Variants in ASZ1 observed in about 807,000 individuals in gnomAD.
ASZ1 encodes the protein ankyrin repeat, SAM and basic leucine zipper domain-containing protein 1.
In ASZ1, 67 loss-of-function variants were observed where a neutral mutation model predicts 61.8. That is an observed-to-expected ratio of 1.08 (90% confidence interval 0.89 to 1.33). The LOEUF (loss-of-function observed/expected upper bound fraction) is 1.33. ASZ1 is among the 40% of genes most tolerant of loss of function. The pLI is 0.00. For synonymous variants in ASZ1, 193 were observed against 192.7 expected (o/e 1.00, Z -0.01); for missense variants, 577 against 554.5 (o/e 1.04, Z -0.41).
chr7:117,379,884 A>T, intron 10 of ASZ1, 54 bp downstream of exon 10: 1 of 1,170,870 alleles, frequency 8.5e-7, no homozygotes. Flanking sequence ...TAAACTAAAA[A>T]GAACAATTGG....
intron 4 of ASZ1, among the ~76,000 whole-genome samples, chr7:117,412,734 A>G (rs1796919004): frequency 6.6e-6 from 1 of 151,878 alleles, no homozygotes; most frequent in South Asian, 2.1e-4. Context: ...CTAATGTAAC[A>G]AATACATATG....
rs1797251577 is a variant in ASZ1 at position 117,427,480 on chromosome 7, T to C, written c.-20A>G. On this transcript the variant is annotated 5_prime_UTR_variant, in exon 1 of 13. Coordinates refer to ENST00000284629, the MANE Select transcript of ASZ1 (RefSeq NM_130768.3). Reference sequence around the variant, plus strand: ...CGCCATGCCAGCCAAGGAAGCTCCCTGTCGGCACCGCGCGCCCTTCAGCTC... The same window carrying C: ...CGCCATGCCAGCCAAGGAAGCTCCCCGTCGGCACCGCGCGCCCTTCAGCTC... 4.3e-6 allele frequency: 7 copies of C among 1,612,604 alleles called. No homozygotes were observed. Among genetic ancestry groups the C allele is most frequent in the Admixed American group, 1.7e-5 (1 of 59,944 alleles).
chr7:117,384,326 A>G (rs1796308325), intron 6 of ASZ1, among the ~76,000 whole-genome samples: 1 of 152,100 alleles, frequency 6.6e-6, no homozygotes, highest in African/African-American at 2.4e-5. Flanking sequence ...TTAATTTTTA[A>G]ATTGTTTAAT....
intron 4 of ASZ1, among the ~76,000 whole-genome samples, chr7:117,404,163 G>A (rs1796735327): frequency 6.6e-6 from 1 of 152,010 alleles, no homozygotes; most frequent in South Asian, 2.1e-4. Context: ...GGCCATCACT[G>A]TTTGTACTGG....
intron 4 of ASZ1, among the ~76,000 whole-genome samples, chr7:117,397,686 C>T (rs952838223): frequency 6.6e-6 from 1 of 152,210 alleles, no homozygotes; most frequent in Non-Finnish European, 1.5e-5. Context: ...AGGCAGAGAA[C>T]ATAAGGCCAA....
chr7:117,405,469 A>T (rs146010252), intron 4 of ASZ1, among the ~76,000 whole-genome samples: 207 of 152,246 alleles, frequency 1.4e-3, no homozygotes, highest in African/African-American at 4.8e-3. Flanking sequence ...TGGGCATGTG[A>T]CTTTCACTTA....
intron 2 of ASZ1, among the ~76,000 whole-genome samples, chr7:117,426,600 C>A (rs1797221178): frequency 6.6e-6 from 1 of 151,520 alleles, no homozygotes; most frequent in African/African-American, 2.4e-5. Flanking sequence ...TTAGAGTAGG[C>A]CTCTTGCTTG....
At chr7:117,376,663 T>C (rs755022918) in intron 10 of ASZ1, among the ~76,000 whole-genome samples, 1 of 152,044 alleles carries the variant, frequency 6.6e-6, no homozygotes, top group Non-Finnish European at 1.5e-5. Flanking sequence ...AAAGTAACCA[T>C]ATCAACAGGC....
rs1163241946 is a variant in ASZ1, at chr7:117,420,377, T to C, written c.329-103A>G. 1.1e-5 allele frequency: 8 copies of C among 696,932 alleles called. 1 individual carries two copies. Among genetic ancestry groups the C allele is most frequent in the South Asian group, 9.9e-5 (4 of 40,410 alleles). 43.2% of individuals were successfully genotyped at this position (696,932 alleles called of 1,614,324 possible). On this transcript the variant is annotated intron_variant, in intron 3 of 12. Transcript: ENST00000284629. The stretch of plus-strand genomic sequence containing the variant: ...TCTATTATTGCACTCTAAAACTCTA[T>C]AACCTCTTCCCAAATCTCTCACTCT...
chr7:117,424,569 A>G (rs1429891084), intron 2 of ASZ1, among the ~76,000 whole-genome samples: 1 of 152,232 alleles, frequency 6.6e-6, no homozygotes, highest in Non-Finnish European at 1.5e-5. Context: ...AATACTTAGC[A>G]GTAGGCTCTG....
chr7:117,420,789 T>C (rs956191947), intron 3 of ASZ1, among the ~76,000 whole-genome samples: 2 of 152,234 alleles, frequency 1.3e-5, no homozygotes, highest in Non-Finnish European at 2.9e-5. Flanking sequence ...CCTAAAACTC[T>C]TCTTCCCTTG....
Position 117,385,717 on chromosome 7 carries a change from T to C in ASZ1, c.533A>G (p.Gln178Arg). 2.5e-6 allele frequency: 4 copies of C among 1,608,190 alleles called. No homozygotes were observed. The highest frequency in any genetic ancestry group is 3.4e-6 in the Non-Finnish European group (4 of 1,174,740). Residue 178 changes from glutamine to arginine, a missense_variant, in exon 5 of 13, where the codon CAG (glutamine) becomes CGG (arginine). Coordinates refer to ENST00000284629, the MANE Select transcript of ASZ1 (RefSeq NM_130768.3). ...TCTCACAGTGTAACCATTCTCATCC[T>C]GGGTATTAACTTCTGCTCCATGAGC... is the stretch of plus-strand genomic sequence containing the variant. ...LVAHGAEVNT[Q>R]DENGYTALTW... is the part of the protein sequence containing the mutation.
At position 117,381,895 on chromosome 7, in the gene ASZ1, TA is replaced by T. The variant is rs1796261118; in HGVS notation, c.888+173del. Among the ~76,000 whole-genome samples, 8 of 152,252 alleles carry T rather than the reference TA, an allele frequency of 5.3e-5. No individual in the cohort carries two copies. The South Asian group carries it at 1.7e-3, about 32-fold the overall frequency. On this transcript the variant is annotated intron_variant, in intron 8 of 12. Coordinates refer to ENST00000284629, the MANE Select transcript of ASZ1 (RefSeq NM_130768.3). ...TTCTAATTTATGTAAATTTCTAGAATAATACATTTTTGCAATGTTTTTCACA... is the reference window on the plus strand; with the variant it reads ...TTCTAATTTATGTAAATTTCTAGAATATACATTTTTGCAATGTTTTTCACA...
In ASZ1 at chr7:117,382,223, A is replaced by T. The variant is rs534147279; in HGVS notation, c.813-79T>A. ...GATAAATATACATTTATATTGCAAG[A>T]GAATATGAATAATAATGAATTCATG... On this transcript the variant is annotated intron_variant, in intron 7 of 12. Coordinates refer to ENST00000284629, the MANE Select transcript of ASZ1 (RefSeq NM_130768.3). The T allele has an allele frequency of 1.1e-4, 95 of 870,468 alleles. No individual in the cohort carries two copies. In the African/African-American group the frequency reaches 1.3e-3, roughly 12 times the overall value. 53.9% of individuals were successfully genotyped at this position (870,468 alleles called of 1,614,324 possible). A position where few individuals can be genotyped will look rare whatever the true frequency, so the allele number is the denominator to read the frequency against.
At chr7:117,392,659 A>T (rs1270691147) in intron 4 of ASZ1, among the ~76,000 whole-genome samples, 2 of 152,108 alleles carry the variant, frequency 1.3e-5, no homozygotes, top group Non-Finnish European at 2.9e-5. Flanking sequence ...TTAAACATTA[A>T]TAATATCATA....
At chr7:117,384,123 T>C (rs1227655886) in intron 6 of ASZ1, among the ~76,000 whole-genome samples, 2 of 152,118 alleles carry the variant, frequency 1.3e-5, no homozygotes, top group Non-Finnish European at 2.9e-5. Context: ...ACTTGATCCT[T>C]GCTTAGAAGT....
rs1405039590 is a variant in ASZ1, at chr7:117,423,551, A to G, written c.206-1192T>C. On this transcript the variant is annotated intron_variant, in intron 2 of 12. Transcript: ENST00000284629. ...AAGATAGAAAGGAAAAGATGCAAAGAAAAAGAAGCAAAGGCCAGGCACGGT... is the reference window on the plus strand; with the variant it reads ...AAGATAGAAAGGAAAAGATGCAAAGGAAAAGAAGCAAAGGCCAGGCACGGT... Among the ~76,000 whole-genome samples, 3 of 152,116 alleles carry G rather than the reference A, an allele frequency of 2.0e-5. No homozygotes were observed. The East Asian group carries it at 5.8e-4, about 29-fold the overall frequency.
chr7:117,385,808 T>C lies in ASZ1; in HGVS notation c.442A>G (p.Arg148Gly), dbSNP rs1295189784. The C allele has an allele frequency of 6.2e-7, 1 of 1,605,696 alleles. No individual in the cohort carries two copies. Among genetic ancestry groups the C allele is most frequent in the African/African-American group, 1.3e-5 (1 of 74,648 alleles). ...RNADPNVACR[R>G]LMTPIMYAAR... ...GCATACATGATTGGGGTCATAAGTC[T>C]CCTAAGGAGGAGGAAGAAAGGAAAC... Residue 148 changes from arginine (R) to glycine (G), a missense_variant and splice_region_variant, in exon 5 of 13, where the codon AGA becomes GGA. Physicochemically the swap from Arg to Gly is moderately radical, Grantham distance 125. Transcript: ENST00000284629.
chr7:117,424,201 T>C (rs954767733), intron 2 of ASZ1, among the ~76,000 whole-genome samples: 4 of 152,196 alleles, frequency 2.6e-5, no homozygotes, highest in Non-Finnish European at 5.9e-5. Context: ...TTGAAAATGA[T>C]AGTACACAGA....
Sources: gnomAD v4.1 joint callset for allele counts (sites outside exome capture counted in the v4.1 genomes callset) on GRCh38, gnomAD v4.1.1 for gene constraint, MANE v1.5 for transcripts, NCBI Gene and HGNC (gene_info 2026-07-23, HGNC 2026-07-21) for gene names.